TSC22D2: variants seen among roughly 807,000 people sequenced by gnomAD.
The protein encoded by TSC22D2 is TSC22 domain family member 2.
TSC22D2 carries 5 observed loss-of-function variants against 50.1 expected under a neutral mutation model. The ratio of observed to expected loss-of-function variants is 0.10; its 90% CI spans 0.05 to 0.21. The LOEUF (loss-of-function observed/expected upper bound fraction) is 0.21, where lower values mean the gene tolerates loss of function less well. Ranked by LOEUF, TSC22D2 falls within the 10% of genes least tolerant of loss-of-function variation. The pLI, the probability that TSC22D2 is intolerant of heterozygous loss-of-function variation, is 1.00. For missense variants in TSC22D2, 1,003 were observed against 1,015.5 expected (o/e 0.99, Z 0.17); for synonymous variants, 501 against 450.1 (o/e 1.11, Z -1.43).
intron 1 of TSC22D2, among the ~76,000 whole-genome samples, chr3:150,430,370 T>G (rs571450329): frequency 6.6e-5 from 10 of 152,190 alleles, no homozygotes; most frequent in African/African-American, 2.4e-4. Context: ...GAGACAGAGA[T>G]TCTAGAAAGG....
rs187347874 is a variant in TSC22D2 at position 150,464,335 on chromosome 3, G to C, written c.*5699G>C. The C allele has an allele frequency of 6.6e-6, 1 of 152,046 alleles. No homozygotes were observed. Among genetic ancestry groups the C allele is most frequent in the Non-Finnish European group, 1.5e-5 (1 of 67,992 alleles). 9.4% of individuals were successfully genotyped at this position (152,046 alleles called of 1,614,324 possible). A position where few individuals can be genotyped will look rare whatever the true frequency, so the allele number is the denominator to read the frequency against. On this transcript the variant is annotated 3_prime_UTR_variant, in exon 3 of 3. Transcript: ENST00000688009. ...CACACTTGAGATGGAAATAATAACA[G>C]GTCAGTGGCTAATAAAAAGAAACAT...
Position 150,409,049 on chromosome 3 carries a change from G to A in TSC22D2, c.-302G>A. The A allele has an allele frequency of 3.9e-6, 1 of 253,196 alleles. No homozygotes were observed. Among genetic ancestry groups the A allele is most frequent in the East Asian group, 7.5e-5 (1 of 13,388 alleles). The allele number at this position is 253,196 out of a possible 1,614,324, so 15.7% of individuals were successfully genotyped here. A position where few individuals can be genotyped will look rare whatever the true frequency, so the allele number is the denominator to read the frequency against. On this transcript the variant is annotated 5_prime_UTR_variant, in exon 1 of 3. Coordinates refer to ENST00000688009, the MANE Select transcript of TSC22D2 (RefSeq NM_001303264.2). The surrounding 1 kb of genome is among the most constrained non-coding windows in gnomAD (Gnocchi z 7.4). ...GGCCCGCCCCTGGGTTCGCGCTCTC[G>A]CCGCCTCTGAGGGAATTGAATTGAG...
chr3:150,419,563 G>A (rs996965042), intron 1 of TSC22D2, among the ~76,000 whole-genome samples: 4 of 152,074 alleles, frequency 2.6e-5, no homozygotes, highest in African/African-American at 7.2e-5. Context: ...GAGTGCTCAA[G>A]TACCTTATGC....
At position 150,409,286 on chromosome 3, in the gene TSC22D2, C is replaced by T. The variant is rs1370804826; in HGVS notation, c.-65C>T. 3 of 1,516,304 alleles carry T rather than the reference C, an allele frequency of 2.0e-6. No individual in the cohort carries two copies. The highest frequency in any genetic ancestry group is 2.7e-6 in the Non-Finnish European group (3 of 1,129,272). The allele number at this position is 1,516,304 out of a possible 1,614,324, so 93.9% of individuals were successfully genotyped here. ...TGTCTTTGGGGGCCCGTGCTCTGCCCTCCCCGGTTTCCGACAGGACCCAGA... is the reference window on the plus strand; with the variant it reads ...TGTCTTTGGGGGCCCGTGCTCTGCCTTCCCCGGTTTCCGACAGGACCCAGA... On this transcript the variant is annotated 5_prime_UTR_variant, in exon 1 of 3. Coordinates refer to ENST00000688009, the MANE Select transcript of TSC22D2 (RefSeq NM_001303264.2). This position sits in a 1 kb window ranked among gnomAD's most constrained non-coding sequence, Gnocchi z 7.4.
At chr3:150,444,947 A>G (rs1720831442) in intron 1 of TSC22D2, among the ~76,000 whole-genome samples, 1 of 152,170 alleles carries the variant, frequency 6.6e-6, no homozygotes, top group Admixed American at 6.5e-5. Context: ...ACAACACGTT[A>G]TACCACTTTT....
Position 150,409,350 on chromosome 3 carries a change from C to T in TSC22D2, c.-1C>T, listed in dbSNP as rs1425014484. The T allele has an allele frequency of 1.3e-5, 21 of 1,593,896 alleles. No individual in the cohort carries two copies. Among genetic ancestry groups the T allele is most frequent in the Non-Finnish European group, 1.7e-5 (20 of 1,165,314 alleles). ...CTCTCTGCCCTCCAGCCTTCTTCAC[C>T]ATGTCCAAGATGCCGGCCAAGAAGA... On this transcript the variant is annotated 5_prime_UTR_variant, in exon 1 of 3. Coordinates refer to ENST00000688009, the MANE Select transcript of TSC22D2 (RefSeq NM_001303264.2). This position sits in a 1 kb window ranked among gnomAD's most constrained non-coding sequence, Gnocchi z 7.4.
rs1659897942 is a variant in TSC22D2, at chr3:150,465,241, T to C, written c.*6605T>C. On this transcript the variant is annotated 3_prime_UTR_variant, in exon 3 of 3. Transcript: ENST00000688009. ...CTTTTTGGTTACTCCCTTTTAGAAATTGGAAGCTATGAAGCTATATACCCT... is the reference window on the plus strand; with the variant it reads ...CTTTTTGGTTACTCCCTTTTAGAAACTGGAAGCTATGAAGCTATATACCCT... 1 of 152,182 alleles carries C rather than the reference T, an allele frequency of 6.6e-6. No homozygotes were observed. Among genetic ancestry groups the C allele is most frequent in the Admixed American group, 6.5e-5 (1 of 15,276 alleles). 9.4% of individuals were successfully genotyped at this position (152,182 alleles called of 1,614,324 possible).
At chr3:150,430,668 A>G (rs1238858630) in intron 1 of TSC22D2, among the ~76,000 whole-genome samples, 2 of 152,156 alleles carry the variant, frequency 1.3e-5, no homozygotes, top group African/African-American at 4.8e-5. Context: ...GCAGGTTGGT[A>G]TAGAAATTAA....
At chr3:150,443,582 T>C (rs773784499) in intron 1 of TSC22D2, among the ~76,000 whole-genome samples, 74 of 152,314 alleles carry the variant, frequency 4.9e-4, no homozygotes, top group Admixed American at 7.8e-4. Flanking sequence ...GTGAAATAAA[T>C]GTGAATGACT....
intron 1 of TSC22D2, among the ~76,000 whole-genome samples, chr3:150,431,726 A>C (rs1327852540): frequency 6.6e-6 from 1 of 152,174 alleles, no homozygotes; most frequent in African/African-American, 2.4e-5. Context: ...GAGTTGGTGA[A>C]GTTTTATAAG....
intron 1 of TSC22D2, 197 bp from the exon 2 acceptor site, chr3:150,456,879 G>A (rs1409799479): frequency 1.8e-6 from 1 of 566,948 alleles, no homozygotes; most frequent in Admixed American, 3.4e-5. Context: ...CAAAGGACCT[G>A]TAGAAATCAT....
Position 150,409,658 on chromosome 3 carries a change from A to G in TSC22D2, c.308A>G (p.Asn103Ser), listed in dbSNP as rs1346572674. 3 of 1,603,212 alleles carry G rather than the reference A, an allele frequency of 1.9e-6. No homozygotes were observed. In the Admixed American group the frequency reaches 5.1e-5, roughly 27 times the overall value. Residue 103 changes from asparagine to serine, a missense_variant, in exon 1 of 3, where the codon AAC becomes AGC. Physicochemically the swap from Asn to Ser is conservative, Grantham distance 46. Transcript: ENST00000688009. The surrounding 1 kb of genome is among the most constrained non-coding windows in gnomAD (Gnocchi z 7.4). Reference sequence around the variant, plus strand: ...GCAGCGGCGGCTGCTGCTCCCGCCAACGGAGGAGGAGTCGTTTCGGCCCGG... The same window carrying G: ...GCAGCGGCGGCTGCTGCTCCCGCCAGCGGAGGAGGAGTCGTTTCGGCCCGG... Reference protein sequence around the residue: ...QLAAAAAAPANGGGVVSARSV... With the variant: ...QLAAAAAAPASGGGVVSARSV...
rs185896078 is a variant in TSC22D2, at chr3:150,408,961, T to C, written c.-390T>C. On this transcript the variant is annotated 5_prime_UTR_variant, in exon 1 of 3. Coordinates refer to ENST00000688009, the MANE Select transcript of TSC22D2 (RefSeq NM_001303264.2). ...ACTCCCACCCCCAGCCAAGGCCTGCTGACCGCGCCGAGCGCCGAGCTGGAC... is the reference window on the plus strand; with the variant it reads ...ACTCCCACCCCCAGCCAAGGCCTGCCGACCGCGCCGAGCGCCGAGCTGGAC... 87 of 171,236 alleles carry C rather than the reference T, an allele frequency of 5.1e-4. No individual in the cohort carries two copies. The East Asian group carries it at 0.014, about 28-fold the overall frequency. 10.6% of individuals were successfully genotyped at this position (171,236 alleles called of 1,614,324 possible). A position where few individuals can be genotyped will look rare whatever the true frequency, so the allele number is the denominator to read the frequency against.
chr3:150,454,319 G>A (rs1721126397), intron 1 of TSC22D2, among the ~76,000 whole-genome samples: 1 of 152,178 alleles, frequency 6.6e-6, no homozygotes, highest in Admixed American at 6.5e-5. Context: ...ACTACAAATA[G>A]TTGTATAAGA....
intron 1 of TSC22D2, among the ~76,000 whole-genome samples, chr3:150,427,380 T>C (rs1293276317): frequency 6.6e-6 from 1 of 152,088 alleles, no homozygotes; most frequent in African/African-American, 2.4e-5. Context: ...TAATGTGTTA[T>C]ATATGTAGGA....
chr3:150,447,798 C>T (rs1253058935), intron 1 of TSC22D2, among the ~76,000 whole-genome samples: 1 of 152,130 alleles, frequency 6.6e-6, no homozygotes, highest in Non-Finnish European at 1.5e-5. Context: ...CCCTGTTTTT[C>T]CTCTGAGGTA....
chr3:150,423,624 A>G (rs1379803455), intron 1 of TSC22D2, among the ~76,000 whole-genome samples: 2 of 152,200 alleles, frequency 1.3e-5, no homozygotes, highest in African/African-American at 4.8e-5. Flanking sequence ...CTAGGTCTGC[A>G]TTACTGATTT....
Position 150,421,269 on chromosome 3 carries a change from G to C in TSC22D2, c.1958+9961G>C, listed in dbSNP as rs191730477. ...CATTTAAACTGGAGGTCTCCAAACA[G>C]ACCTTTGAGGATAGCAAACTAGTTC... On this transcript the variant is annotated intron_variant, in intron 1 of 2. Transcript: ENST00000688009. 6.2e-3 allele frequency among the ~76,000 whole-genome samples: 935 copies of C among 151,784 alleles called. 3 individuals carry two copies. Among genetic ancestry groups the C allele is most frequent in the South Asian group, 0.019 (93 of 4,818 alleles).
chr3:150,422,929 CTT>C (rs1173190886), intron 1 of TSC22D2: 3 of 655,252 alleles, frequency 4.6e-6, no homozygotes. Flanking sequence ...GTTTTAAAAT[CTT>C]TTTATTATTA....
Sources: allele counts gnomAD v4.1 joint callset (sites outside exome capture counted in the v4.1 genomes callset), GRCh38; gene constraint gnomAD v4.1.1; non-coding constraint Gnocchi (gnomAD v3.1); transcripts MANE v1.5; gene names NCBI Gene and HGNC (gene_info 2026-07-23, HGNC 2026-07-21).